UBAP2L: variants seen among roughly 807,000 people sequenced by gnomAD.
UBAP2L encodes ubiquitin associated protein 2 like, also known as ubiquitin-associated protein 2-like.
UBAP2L carries 12 observed loss-of-function variants against 130.6 expected under a neutral mutation model. The ratio of observed to expected loss-of-function variants is 0.09; its 90% confidence interval spans 0.06 to 0.15. The LOEUF (loss-of-function observed/expected upper bound fraction) is 0.15, where lower values mean the gene tolerates loss of function less well. UBAP2L is among the 10% of genes least tolerant of loss of function. The pLI, the probability that UBAP2L is intolerant of heterozygous loss-of-function variation, is 1.00. For synonymous variants in UBAP2L, 503 were observed against 524.7 expected (o/e 0.96, Z 0.57); for missense variants, 965 against 1,332.5 (o/e 0.72, Z 4.29).
intron 24 of UBAP2L, among the ~76,000 whole-genome samples, chr1:154,265,790 G>A (rs76138673): frequency 9.4e-5 from 3 of 31,878 alleles, no homozygotes; most frequent in South Asian, 5.1e-4. Context: ...TGAAAATGAC[G>A]TGGTTTTTGT....
intron 20 of UBAP2L, 190 bp downstream of exon 20, chr1:154,257,624 T>A: frequency 1.6e-6 from 1 of 621,638 alleles, no homozygotes; most frequent in Non-Finnish European, 2.8e-6. Flanking sequence ...GATCTGTGTG[T>A]CTGGTTGGAA....
chr1:154,233,189 A>G (rs1423049654), intron 4 of UBAP2L, among the ~76,000 whole-genome samples: 3 of 151,022 alleles, frequency 2.0e-5, no homozygotes, highest in African/African-American at 7.3e-5. Flanking sequence ...AATTTTTTGT[A>G]TTTTTGGTAG....
chr1:154,241,693 A>G (rs890838039), intron 9 of UBAP2L, 128 bp downstream of exon 9: 2 of 1,487,500 alleles, frequency 1.3e-6, no homozygotes, highest in Non-Finnish European at 1.8e-6. Context: ...TTTTACATCC[A>G]AAATAGTGTT....
At chr1:154,220,246 T>C (rs1339291375), upstream of UBAP2L, 4 of 1,430,838 alleles carry the variant, frequency 2.8e-6, no homozygotes, top group Non-Finnish European at 3.9e-6. Flanking sequence ...TAGGCGCAGG[T>C]GAGTGGGTGG....
intron 10 of UBAP2L, among the ~76,000 whole-genome samples, chr1:154,245,088 C>T (rs540533213): frequency 7.2e-5 from 11 of 152,258 alleles, no homozygotes; most frequent in East Asian, 3.9e-4. Flanking sequence ...CCCGCCACCA[C>T]GCCAGGCTAA....
At chr1:154,267,691 G>A (rs1335319034) in intron 25 of UBAP2L, among the ~76,000 whole-genome samples, 2 of 151,200 alleles carry the variant, frequency 1.3e-5, no homozygotes, top group East Asian at 1.9e-4. Context: ...ACAGGGTTTT[G>A]CCATGTTGCC....
intron 2 of UBAP2L, among the ~76,000 whole-genome samples, chr1:154,225,950 A>G (rs184789545): frequency 6.6e-6 from 1 of 152,300 alleles, no homozygotes; most frequent in Non-Finnish European, 1.5e-5. Context: ...AGTAGCTGGG[A>G]TTACAGGAGT....
chr1:154,241,149 C>G (rs543689594), intron 8 of UBAP2L, among the ~76,000 whole-genome samples: 1 of 151,898 alleles, frequency 6.6e-6, no homozygotes, highest in African/African-American at 2.4e-5. Context: ...AGTGCAATGC[C>G]GCGATCTCAG....
intron 11 of UBAP2L, among the ~76,000 whole-genome samples, chr1:154,247,376 T>A (rs1675874450): frequency 6.6e-6 from 1 of 152,036 alleles, no homozygotes; most frequent in South Asian, 2.1e-4. Context: ...GAGAGAAGTG[T>A]TGGGATTAAA....
chr1:154,267,173 T>TTTTA (rs1683507796), intron 25 of UBAP2L, among the ~76,000 whole-genome samples: 1 of 147,640 alleles, frequency 6.8e-6, no homozygotes, highest in Non-Finnish European at 1.5e-5. Context: ...TTTTTTTTTT[T>TTTTA]GAGATGGAGT....
chr1:154,265,773 T>G (rs1249165794), intron 24 of UBAP2L, among the ~76,000 whole-genome samples: 1 of 122,644 alleles, frequency 8.2e-6, no homozygotes, highest in Non-Finnish European at 1.7e-5. Flanking sequence ...AAGCTGAAGT[T>G]GTATACTGAA....
intron 1 of UBAP2L, chr1:154,221,541 A>T (rs1275965239): frequency 6.6e-6 from 1 of 152,610 alleles, no homozygotes; most frequent in Non-Finnish European, 1.5e-5. Context: ...GAGCTCCCCC[A>T]AACTCCCCCA....
At chr1:154,224,098 A>G (rs182580164) in intron 1 of UBAP2L, among the ~76,000 whole-genome samples, 1 of 152,204 alleles carries the variant, frequency 6.6e-6, no homozygotes, top group Admixed American at 6.5e-5. Flanking sequence ...ATTCAGTAGA[A>G]TCCTTCCTTG....
intron 1 of UBAP2L, among the ~76,000 whole-genome samples, chr1:154,224,223 A>G (rs1667226156): frequency 6.6e-6 from 1 of 152,210 alleles, no homozygotes; most frequent in South Asian, 2.1e-4. Flanking sequence ...CAAGTTTAAA[A>G]TGATTTCTTA....
rs1684557751 is a variant in UBAP2L at position 154,270,691 on chromosome 1, C to A, written c.*396C>A. The A allele has an allele frequency of 7.1e-7, 1 of 1,404,618 alleles. No individual in the cohort carries two copies. The highest frequency in any genetic ancestry group is 1.5e-5 in the African/African-American group (1 of 68,160). 87.0% of individuals were successfully genotyped at this position (1,404,618 alleles called of 1,614,324 possible). On this transcript the variant is annotated 3_prime_UTR_variant, in exon 27 of 27. Coordinates refer to ENST00000428931, the MANE Select transcript of UBAP2L (RefSeq NM_014847.4). ...TCCTTCTTTATTATTAGGAAAACAA[C>A]AACAACAACAAACAAAAAAATGGCG...
chr1:154,263,049 C>T (rs1183542542), intron 24 of UBAP2L: 15 of 1,537,298 alleles, frequency 9.8e-6, no homozygotes, highest in African/African-American at 1.4e-5. Context: ...CCCAACCCCA[C>T]AAAGGGCTTT....
At chr1:154,238,848 C>G (rs1222327689) in intron 8 of UBAP2L, among the ~76,000 whole-genome samples, 1 of 151,964 alleles carries the variant, frequency 6.6e-6, no homozygotes, top group Admixed American at 6.6e-5. Context: ...TCAAGCTATT[C>G]TCATGTCTCA....
chr1:154,270,074 G>T, intron 26 of UBAP2L, 126 bp from the exon 27 acceptor site: 1 of 1,242,090 alleles, frequency 8.1e-7, no homozygotes, highest in Non-Finnish European at 1.1e-6. Context: ...ATTTTCTATG[G>T]TTCTAATAGT....
chr1:154,250,867 AG>A (rs1489078168), intron 12 of UBAP2L, among the ~76,000 whole-genome samples, 173 bp from the exon 13 acceptor site: 5 of 151,656 alleles, frequency 3.3e-5, no homozygotes, highest in Non-Finnish European at 5.9e-5. Flanking sequence ...AAAAAAAAAA[AG>A]ATGTAATCCA....
Sources: allele counts gnomAD v4.1 joint callset (sites outside exome capture counted in the v4.1 genomes callset), GRCh38; gene constraint gnomAD v4.1.1; transcripts MANE v1.5; gene names NCBI Gene and HGNC (gene_info 2026-07-23, HGNC 2026-07-21).